Variants in RBFOX1 observed in about 807,000 individuals in gnomAD.
RBFOX1 encodes RNA binding fox-1 homolog 1.
A neutral mutation model predicts 57.7 loss-of-function variants in RBFOX1; 8 were observed. The ratio of observed to expected loss-of-function variants is 0.14; its 90% CI spans 0.08 to 0.25. The LOEUF is 0.25. Ranked by LOEUF, RBFOX1 falls within the 10% of genes least tolerant of loss-of-function variation. The pLI, the probability that RBFOX1 is intolerant of heterozygous loss-of-function variation, is 1.00. For missense variants in RBFOX1, 611 were observed against 548.5 expected, an observed-to-expected ratio of 1.11 and a Z score of -1.14; for synonymous variants, 326 against 222.4, an observed-to-expected ratio of 1.47 and a Z score of -4.15.
At chr16:6,684,801 T>C (rs938644058) in intron 3 of RBFOX1, among the ~76,000 whole-genome samples, 7 of 152,202 alleles carry the variant, frequency 4.6e-5, no homozygotes, top group African/African-American at 1.7e-4. Flanking sequence ...AAAAGAAAAA[T>C]TCCTTAAAGC....
rs538383979 is a variant in RBFOX1, at chr16:5,727,697, T to G, written c.318+128736T>G. On this transcript the variant is annotated intron_variant, in intron 3 of 19. Transcript: ENST00000641259. ...TTTTTGTTGTTGTTGTTTGTTTGTT[T>G]GTTTGTTTAGAGACAAGGTCTTACC... Among the ~76,000 whole-genome samples, 4 of 152,222 alleles carry G rather than the reference T, an allele frequency of 2.6e-5. No homozygotes were observed. In the South Asian group the frequency reaches 6.2e-4, roughly 24 times the overall value.
intron 5 of RBFOX1, among the ~76,000 whole-genome samples, chr16:7,562,639 C>T (rs1176049689): frequency 6.6e-6 from 1 of 152,186 alleles, no homozygotes; most frequent in African/African-American, 2.4e-5. Context: ...AGGCACTTCT[C>T]ATCACCAGGA....
chr16:7,338,724 C>A (rs879504138), intron 4 of RBFOX1, among the ~76,000 whole-genome samples: 3 of 152,138 alleles, frequency 2.0e-5, no homozygotes, highest in African/African-American at 7.2e-5. Flanking sequence ...ATAGAAACAT[C>A]GGCCTTAACA....
intron 3 of RBFOX1, among the ~76,000 whole-genome samples, chr16:6,790,970 A>G (rs1162986373): frequency 6.6e-6 from 1 of 151,202 alleles, no homozygotes; most frequent in East Asian, 1.9e-4. Context: ...CATTGGTATG[A>G]TCTTGACTCA....
chr16:5,261,770 T>C (rs2062739789), intron 1 of RBFOX1, among the ~76,000 whole-genome samples: 1 of 152,166 alleles, frequency 6.6e-6, no homozygotes, highest in Non-Finnish European at 1.5e-5. Context: ...CAGGATGGTC[T>C]CGATCTCCTG....
At chr16:7,459,696 A>G (rs758923417) in intron 4 of RBFOX1, among the ~76,000 whole-genome samples, 1 of 152,222 alleles carries the variant, frequency 6.6e-6, no homozygotes, top group Non-Finnish European at 1.5e-5. Context: ...TTGGCATTTC[A>G]AAATATTGCT....
chr16:7,584,505 C>A (rs1175820207), intron 6 of RBFOX1, among the ~76,000 whole-genome samples: 1 of 152,094 alleles, frequency 6.6e-6, no homozygotes, highest in African/African-American at 2.4e-5. Context: ...GTTGGCCATC[C>A]TGGTCCCAAA....
intron 3 of RBFOX1, among the ~76,000 whole-genome samples, chr16:6,965,197 T>G (rs1568120382): frequency 6.6e-6 from 1 of 152,044 alleles, no homozygotes; most frequent in African/African-American, 2.4e-5. Context: ...GAGAGGTGGG[T>G]GGTGTAAATC....
chr16:7,110,174 AC>A (rs756747938), intron 4 of RBFOX1, among the ~76,000 whole-genome samples: 1 of 115,204 alleles, frequency 8.7e-6, no homozygotes, highest in African/African-American at 3.5e-5. Context: ...ACATAGCGAG[AC>A]CCCCCGTGTC....
intron 4 of RBFOX1, among the ~76,000 whole-genome samples, chr16:7,092,710 A>C (rs930582790): frequency 2.0e-5 from 3 of 152,182 alleles, no homozygotes; most frequent in African/African-American, 7.2e-5. Context: ...ACGCACAGTT[A>C]AGTTAAAAGT....
chr16:5,465,124 A>T (rs1400954002), intron 1 of RBFOX1, among the ~76,000 whole-genome samples: 1 of 152,218 alleles, frequency 6.6e-6, no homozygotes, highest in East Asian at 1.9e-4. Context: ...GGAGTGGCTT[A>T]AACAGCAAAT....
intron 3 of RBFOX1, among the ~76,000 whole-genome samples, chr16:7,031,461 T>C (rs1294741734): frequency 6.6e-6 from 1 of 152,000 alleles, no homozygotes; most frequent in African/African-American, 2.4e-5. Context: ...CTAGGCATGG[T>C]GGCACATGCC....
At chr16:6,937,196 C>T (rs369655772) in intron 3 of RBFOX1, among the ~76,000 whole-genome samples, 1 of 152,062 alleles carries the variant, frequency 6.6e-6, no homozygotes, top group African/African-American at 2.4e-5. Context: ...GAAAATTCAA[C>T]TATGTCTGTA....
chr16:7,044,721 A>G (rs979147152), intron 3 of RBFOX1, among the ~76,000 whole-genome samples: 1 of 152,174 alleles, frequency 6.6e-6, no homozygotes, highest in Non-Finnish European at 1.5e-5. Context: ...ATCACATGTT[A>G]GTTTCCAAAT....
intron 3 of RBFOX1, among the ~76,000 whole-genome samples, chr16:5,756,909 C>A (rs1201923152): frequency 3.9e-5 from 6 of 152,112 alleles, no homozygotes; most frequent in Admixed American, 3.9e-4. Flanking sequence ...TATAAGGGTT[C>A]TACAAGATGA....
rs796279138 is a variant in RBFOX1 at position 5,569,438 on chromosome 16, C to CTTTTTTTTTTTTTTTTTTTTTTT, written c.259-29457_259-29435dup. 6.9e-4 allele frequency among the ~76,000 whole-genome samples: 34 copies of CTTTTTTTTTTTTTTTTTTTTTTT among 49,206 alleles called. 1 individual carries two copies. Among genetic ancestry groups the CTTTTTTTTTTTTTTTTTTTTTTT allele is most frequent in the Non-Finnish European group, 1.0e-3 (25 of 25,008 alleles). 32.3% of individuals were successfully genotyped at this position (49,206 alleles called of 152,430 possible). ...GTAAGGGTTAATGATAAGAAGTAAC[C>CTTTTTTTTTTTTTTTTTTTTTTT]TTTTTTTTTTTTTTTTTTTTTTTTT... On this transcript the variant is annotated intron_variant, in intron 2 of 2. Transcript: ENST00000585867.
chr16:6,968,279 G>C (rs1009045246), intron 3 of RBFOX1, among the ~76,000 whole-genome samples: 4 of 152,226 alleles, frequency 2.6e-5, no homozygotes, highest in East Asian at 1.9e-4. Flanking sequence ...CACTTGGAGA[G>C]AGGATATTTG....
In RBFOX1 at chr16:6,784,753, G is replaced by C. The variant is rs559708002; in HGVS notation, c.-16+130103G>C. ...GATAGTTGTTCAATTTGGTGTTCCT[G>C]TGGTCGGGGGTTGTGGGGAAGTAAA... On this transcript the variant is annotated intron_variant, in intron 3 of 15. Coordinates refer to ENST00000550418, the MANE Select transcript of RBFOX1 (RefSeq NM_018723.4). Among the ~76,000 whole-genome samples, 18 of 151,990 alleles carry C rather than the reference G, an allele frequency of 1.2e-4. No individual in the cohort carries two copies. The South Asian group carries it at 3.3e-3, about 28-fold the overall frequency.
chr16:6,880,715 C>G lies in RBFOX1; in HGVS notation c.-15-171342C>G, dbSNP rs369374256. 6.6e-5 allele frequency among the ~76,000 whole-genome samples: 10 copies of G among 152,268 alleles called. 2 individuals are homozygous for G. The highest frequency in any genetic ancestry group is 1.9e-4 in the East Asian group (1 of 5,182). ...GTATGATGTTCCAGAGTCAGTTTGA[C>G]TTCTTGGACGATGATTATTTTATGA... On this transcript the variant is annotated intron_variant, in intron 3 of 15. Transcript: ENST00000550418.
Sources: allele counts gnomAD v4.1 joint callset (sites outside exome capture counted in the v4.1 genomes callset), GRCh38; gene constraint gnomAD v4.1.1; transcripts MANE v1.5; gene names NCBI Gene and HGNC (gene_info 2026-07-23, HGNC 2026-07-21).